The following CTBP2 variants were observed in gnomAD, a reference collection of about 807,000 sequenced individuals.
CTBP2 encodes C-terminal binding protein 2.
A neutral mutation model predicts 80.3 loss-of-function variants in CTBP2; 30 were observed. The ratio of observed to expected loss-of-function variants is 0.37; its 90% CI spans 0.28 to 0.51. The LOEUF (loss-of-function observed/expected upper bound fraction) is 0.51, where lower values mean the gene tolerates loss of function less well. Among genes scored for constraint, CTBP2 ranks in the 20% least tolerant of loss-of-function variants. The pLI, the probability that CTBP2 is intolerant of heterozygous loss-of-function variation, is 0.93. For synonymous variants in CTBP2, 594 were observed against 587.4 expected, an observed-to-expected ratio of 1.01 and a Z score of -0.16; for missense variants, 1,212 against 1,375.3, an observed-to-expected ratio of 0.88 and a Z score of 1.88.
chr10:125,029,426 G>A (rs1957965257), upstream of CTBP2, among the ~76,000 whole-genome samples: 1 of 152,068 alleles, frequency 6.6e-6, no homozygotes, highest in Admixed American at 6.5e-5. Context: ...ATTTTTAGTA[G>A]AGCCTACCAT....
intron 2 of CTBP2, among the ~76,000 whole-genome samples, chr10:125,087,067 ATTTC>A (rs1203613255): frequency 2.2e-4 from 32 of 144,776 alleles, no homozygotes; most frequent in East Asian, 2.0e-4. Flanking sequence ...AATTTGGGCA[ATTTC>A]TTTCTTTTTT....
chr10:125,116,243 C>A (rs1249899859), intron 1 of CTBP2, among the ~76,000 whole-genome samples: 1 of 152,182 alleles, frequency 6.6e-6, no homozygotes, highest in Non-Finnish European at 1.5e-5. Flanking sequence ...AAGGCCTGTA[C>A]CCACGCCTCA....
At chr10:125,150,367 G>A (rs1397386338) in intron 1 of CTBP2, among the ~76,000 whole-genome samples, 1 of 152,234 alleles carries the variant, frequency 6.6e-6, no homozygotes, top group Non-Finnish European at 1.5e-5. Flanking sequence ...CCCCAGGAGA[G>A]TGTGCCCATG....
chr10:125,134,288 G>A (rs997724085), intron 1 of CTBP2, among the ~76,000 whole-genome samples: 2 of 152,174 alleles, frequency 1.3e-5, no homozygotes, highest in Admixed American at 1.3e-4. Flanking sequence ...ACGGCAGTAA[G>A]AGCAGATTCA....
rs764619991 is a variant in CTBP2, at chr10:125,026,876, G to T, written c.884C>A (p.Ala295Asp). 6.2e-7 allele frequency: 1 copy of T among 1,613,918 alleles called. No individual in the cohort carries two copies. Among genetic ancestry groups the T allele is most frequent in the Non-Finnish European group, 8.5e-7 (1 of 1,180,016 alleles). The change falls in exon 1 of 9, where the codon GCC becomes GAC. Residue 295 changes from alanine to aspartate, a missense_variant. Physicochemically the swap from Ala to Asp is moderately radical, Grantham distance 126. Around this residue, in one of 3 missense-constraint regions of CTBP2, gnomAD observed 848 missense variants for 782.3 expected, o/e 1.08. Transcript: ENST00000309035. ...TGCCAGCCCCTCCGCCCGCAGAAAG[G>T]CCAGGAACTCAGGGAGCACGGTCCT...
intron 8 of CTBP2, among the ~76,000 whole-genome samples, chr10:124,991,093 G>A (rs1295921076): frequency 2.0e-5 from 3 of 152,232 alleles, no homozygotes; most frequent in East Asian, 1.9e-4. Context: ...GCCCAGGCTC[G>A]GGCTGGTTTT....
At chr10:125,126,685 G>A (rs972325965) in intron 1 of CTBP2, among the ~76,000 whole-genome samples, 1 of 152,180 alleles carries the variant, frequency 6.6e-6, no homozygotes, top group Non-Finnish European at 1.5e-5. Flanking sequence ...TCCCCTAGGC[G>A]CCAACATTCC....
At chr10:125,025,605 G>A (rs1957455245) in intron 1 of CTBP2, among the ~76,000 whole-genome samples, 1 of 152,090 alleles carries the variant, frequency 6.6e-6, no homozygotes, top group African/African-American at 2.4e-5. Context: ...TACGGCGTGC[G>A]GACCCGTGAG....
chr10:124,998,354 C>T (rs1953948954), intron 3 of CTBP2, 184 bp from the exon 6 acceptor site: 1 of 648,338 alleles, frequency 1.5e-6, no homozygotes, highest in Non-Finnish European at 2.6e-6. Flanking sequence ...GCATGGGAAG[C>T]TCTAGCCCCA....
In CTBP2 at chr10:124,987,285, G is replaced by T. The variant is rs1952075001; in HGVS notation, c.*2233C>A. Reference sequence around the variant, plus strand: ...GGAGAGTAAGTCATACCTGCACTCTGTGGACTTGATGGTTCTTTTTCTAGA... The same window carrying T: ...GGAGAGTAAGTCATACCTGCACTCTTTGGACTTGATGGTTCTTTTTCTAGA... On this transcript the variant is annotated 3_prime_UTR_variant, in exon 9 of 9. Coordinates refer to ENST00000309035, the MANE Select transcript of CTBP2 (RefSeq NM_022802.3). 6.6e-6 allele frequency: 1 copy of T among 152,516 alleles called. No individual in the cohort carries two copies. Among genetic ancestry groups the T allele is most frequent in the Non-Finnish European group, 1.5e-5 (1 of 68,026 alleles). The allele number at this position is 152,516 out of a possible 1,614,324, so 9.4% of individuals were successfully genotyped here.
intron 1 of CTBP2, among the ~76,000 whole-genome samples, chr10:125,155,215 G>A (rs560166204): frequency 1.3e-5 from 2 of 152,318 alleles, no homozygotes; most frequent in African/African-American, 4.8e-5. Context: ...AAATCTCCAT[G>A]CCCGGCAAAG....
At position 125,135,063 on chromosome 10, in the gene CTBP2, C is replaced by T. The variant is rs563373869; in HGVS notation, c.-205-23970G>A. ...TACATTGTGCATGGATGCCTTGGTG[C>T]GCCCCCACTCGCTGCGCTGGGCTAG... On this transcript the variant is annotated intron_variant, in intron 1 of 10. Transcript: ENST00000337195. Among the ~76,000 whole-genome samples the T allele has an allele frequency of 6.6e-5, 10 of 152,280 alleles. No individual in the cohort carries two copies. In the South Asian group the frequency reaches 1.7e-3, roughly 25 times the overall value.
At chr10:125,006,216 T>G (rs1379836029) in intron 1 of CTBP2, among the ~76,000 whole-genome samples, 1 of 150,854 alleles carries the variant, frequency 6.6e-6, no homozygotes, top group Non-Finnish European at 1.5e-5. Flanking sequence ...GCTCGAATCC[T>G]GGCAGCAGGT....
chr10:125,027,018 C>A lies in CTBP2; in HGVS notation c.742G>T (p.Val248Leu). 6.2e-7 allele frequency: 1 copy of A among 1,613,962 alleles called. No homozygotes were observed. Among genetic ancestry groups the A allele is most frequent in the South Asian group, 1.1e-5 (1 of 91,092 alleles). The change falls in exon 1 of 9, where the codon GTG (valine) becomes TTG (leucine). Residue 248 changes from valine (V) to leucine (L), a missense_variant. This residue lies in a region of CTBP2 where 848 missense variants were observed against 782.3 expected (regional missense o/e 1.08). Transcript: ENST00000309035. ...CCACGATTCAGGGCCCCTGGGGCCACCCCTGTGCTGCCTTCGGGGGCAGCA... is the reference window on the plus strand; with the variant it reads ...CCACGATTCAGGGCCCCTGGGGCCAACCCTGTGCTGCCTTCGGGGGCAGCA...
chr10:125,094,984 C>G (rs1201526287), intron 2 of CTBP2, among the ~76,000 whole-genome samples: 1 of 151,824 alleles, frequency 6.6e-6, no homozygotes, highest in Non-Finnish European at 1.5e-5. Context: ...TGAAGAAGCG[C>G]GGAGGAAGCA....
chr10:124,990,286 G>A (rs1952431174), intron 8 of CTBP2, among the ~76,000 whole-genome samples: 1 of 151,648 alleles, frequency 6.6e-6, no homozygotes, highest in Non-Finnish European at 1.5e-5. Flanking sequence ...CTCGTGATCC[G>A]CCCGCCTCAG....
intron 2 of CTBP2, among the ~76,000 whole-genome samples, chr10:125,051,553 T>C (rs1377130868): frequency 1.3e-5 from 2 of 151,928 alleles, no homozygotes; most frequent in Non-Finnish European, 2.9e-5. Flanking sequence ...GGCAGGAGAA[T>C]TGCTTGAACC....
chr10:125,059,268 T>TA (rs1964526515), intron 2 of CTBP2, among the ~76,000 whole-genome samples: 1 of 152,084 alleles, frequency 6.6e-6, no homozygotes, highest in Non-Finnish European at 1.5e-5. Flanking sequence ...GGGTAAGACA[T>TA]ACGCAATTTC....
intron 1 of CTBP2, among the ~76,000 whole-genome samples, chr10:125,119,135 T>C (rs1251127350): frequency 6.6e-6 from 1 of 152,148 alleles, no homozygotes; most frequent in Non-Finnish European, 1.5e-5. Flanking sequence ...GACTATATAT[T>C]TACTATAGGC....
Sources: allele counts gnomAD v4.1 joint callset (sites outside exome capture counted in the v4.1 genomes callset), GRCh38; gene constraint gnomAD v4.1.1; regional missense constraint gnomAD v4.1.1; transcripts MANE v1.5; gene names NCBI Gene and HGNC (gene_info 2026-07-23, HGNC 2026-07-21).